The following RARS2 variants were observed in gnomAD, a reference collection of about 807,000 sequenced individuals.
RARS2 encodes the protein arginyl-tRNA synthetase 2, mitochondrial.
In RARS2, 67 loss-of-function variants were observed where a neutral mutation model predicts 88.5. The ratio of observed to expected loss-of-function variants is 0.76; its 90% CI spans 0.62 to 0.93. RARS2 has a LOEUF of 0.93. Ranked by LOEUF, RARS2 falls within the 40% of genes least tolerant of loss-of-function variation. The pLI is 0.00. For missense variants in RARS2, 664 were observed against 684.2 expected (o/e 0.97, Z 0.33); for synonymous variants, 239 against 230.3 (o/e 1.04, Z -0.34).
intron 8 of RARS2, among the ~76,000 whole-genome samples, chr6:87,531,607 A>G (rs1777552335): frequency 6.6e-6 from 1 of 152,032 alleles, no homozygotes; most frequent in Non-Finnish European, 1.5e-5. Context: ...TGTGTTGAGC[A>G]CCTCTTCTGG....
chr6:87,583,631 A>G (rs1015617036), intron 1 of RARS2, among the ~76,000 whole-genome samples: 3 of 152,046 alleles, frequency 2.0e-5, no homozygotes, highest in African/African-American at 7.2e-5. Context: ...AAGTTTAATG[A>G]GCAAAATGAA....
intron 1 of RARS2, among the ~76,000 whole-genome samples, chr6:87,578,112 C>CG (rs544623185): frequency 2.7e-5 from 4 of 148,506 alleles, no homozygotes; most frequent in Non-Finnish European, 4.4e-5. Flanking sequence ...GCGAGACCCC[C>CG]CCCCCCGCCA....
At chr6:87,547,734 G>C (rs1264982294) in intron 6 of RARS2, among the ~76,000 whole-genome samples, 2 of 151,704 alleles carry the variant, frequency 1.3e-5, no homozygotes, top group Non-Finnish European at 2.9e-5. Context: ...CTGCCTCCCG[G>C]GTTCAAGCGA....
At position 87,529,580 on chromosome 6, in the gene RARS2, T is replaced by G; in HGVS notation, c.840A>C (p.Leu280Phe). ...GGAGTCCTTTACTCTCCAGCAACTTTAAGACCTCTTGAGATTTTTCACGAT... is the reference window on the plus strand; with the variant it reads ...GGAGTCCTTTACTCTCCAGCAACTTGAAGACCTCTTGAGATTTTTCACGAT... ...SFYREKSQEV[L>F]KLLESKGLLL... Residue 280 changes from leucine (L) to phenylalanine (F), a missense_variant, in exon 10 of 20, where the codon TTA (leucine) becomes TTC (phenylalanine). By Grantham distance (22) the Leu-to-Phe change is conservative. Coordinates refer to ENST00000369536, the MANE Select transcript of RARS2 (RefSeq NM_020320.5). 6.2e-7 allele frequency: 1 copy of G among 1,607,728 alleles called. No individual in the cohort carries two copies. The highest frequency in any genetic ancestry group is 1.1e-5 in the South Asian group (1 of 90,948).
chr6:87,554,558 G>C (rs1785225598), intron 5 of RARS2, among the ~76,000 whole-genome samples: 1 of 151,878 alleles, frequency 6.6e-6, no homozygotes. Flanking sequence ...CTAGGCTCAA[G>C]CCATCTTTCC....
intron 7 of RARS2, among the ~76,000 whole-genome samples, chr6:87,543,572 C>G (rs561722571): frequency 6.6e-6 from 1 of 151,536 alleles, no homozygotes; most frequent in Non-Finnish European, 1.5e-5. Flanking sequence ...ACCTGGGAGG[C>G]GGAGGTTGCA....
intron 1 of RARS2, among the ~76,000 whole-genome samples, chr6:87,583,422 T>G (rs1252306045): frequency 6.6e-6 from 1 of 152,022 alleles, no homozygotes; most frequent in African/African-American, 2.4e-5. Context: ...AAACCCCATC[T>G]CTACTAAAAA....
chr6:87,579,363 C>T (rs1051423744), intron 1 of RARS2, among the ~76,000 whole-genome samples: 6 of 152,134 alleles, frequency 3.9e-5, no homozygotes, highest in African/African-American at 7.2e-5. Context: ...TGCAGAGAGA[C>T]CACTGTACTA....
At chr6:87,539,984 T>G (rs1171799416) in intron 8 of RARS2, among the ~76,000 whole-genome samples, 1 of 152,170 alleles carries the variant, frequency 6.6e-6, no homozygotes, top group Non-Finnish European at 1.5e-5. Flanking sequence ...ACATACTTTA[T>G]AGACAACCAT....
intron 1 of RARS2, among the ~76,000 whole-genome samples, chr6:87,587,792 A>G (rs1327207584): frequency 1.3e-5 from 2 of 151,868 alleles, no homozygotes; most frequent in East Asian, 1.9e-4. Context: ...CTTTTTTTTG[A>G]GACAGGGACT....
chr6:87,564,219 A>G lies in RARS2; in HGVS notation c.124T>C (p.Phe42Leu). The G allele has an allele frequency of 6.2e-7, 1 of 1,610,666 alleles. No individual in the cohort carries two copies. The highest frequency in any genetic ancestry group is 8.5e-7 in the Non-Finnish European group (1 of 1,176,992). The change falls in exon 3 of 20, where the codon TTT becomes CTT. Residue 42 changes from phenylalanine (F) to leucine (L), a missense_variant. By Grantham distance (22) the Phe-to-Leu change is conservative (BLOSUM62 0). Coordinates refer to ENST00000369536, the MANE Select transcript of RARS2 (RefSeq NM_020320.5). ...AATAAAGAATCCACAGAAAGCTGAAAATCAGCTACTTCTCTAAAGACAGAC... is the reference window on the plus strand; with the variant it reads ...AATAAAGAATCCACAGAAAGCTGAAGATCAGCTACTTCTCTAAAGACAGAC... ...PISQKEEVAD[F>L]QLSVDSLLEK...
Position 87,581,967 on chromosome 6 carries a change from G to A in RARS2, c.36+7955C>T, listed in dbSNP as rs928704676. Reference sequence around the variant, plus strand: ...TTACGGTTGCACAGTATTCCATGGTGTATATGTACCAACCACATTTTCTTT... The same window carrying A: ...TTACGGTTGCACAGTATTCCATGGTATATATGTACCAACCACATTTTCTTT... On this transcript the variant is annotated intron_variant, in intron 1 of 19. Coordinates refer to ENST00000369536, the MANE Select transcript of RARS2 (RefSeq NM_020320.5). Among the ~76,000 whole-genome samples the A allele has an allele frequency of 6.6e-5, 10 of 152,170 alleles. 1 individual carries two copies. The highest frequency in any genetic ancestry group is 3.3e-4 in the Admixed American group (5 of 15,282).
At chr6:87,557,173 T>C (rs927546448) in intron 4 of RARS2, among the ~76,000 whole-genome samples, 1 of 152,136 alleles carries the variant, frequency 6.6e-6, no homozygotes, top group African/African-American at 2.4e-5. Context: ...TGGGCAACAT[T>C]TCCCATTTAA....
At chr6:87,515,071 G>C (rs1265118203) in intron 18 of RARS2, 51 bp from the exon 19 acceptor site, 2 of 1,375,630 alleles carry the variant, frequency 1.5e-6, no homozygotes, top group African/African-American at 1.4e-5. Context: ...ATTTCCTGTT[G>C]TAAGATATGA....
rs562144077 is a variant in RARS2, at chr6:87,560,385, T to C, written c.297+2317A>G. The stretch of plus-strand genomic sequence containing the variant: ...TTGAATTTTTCCTATTTGGTTGAGA[T>C]CATACTTTCTTTTTTCCCTTTTAAC... On this transcript the variant is annotated intron_variant, in intron 4 of 19. Coordinates refer to ENST00000369536, the MANE Select transcript of RARS2 (RefSeq NM_020320.5). Among the ~76,000 whole-genome samples, 5 of 152,368 alleles carry C rather than the reference T, an allele frequency of 3.3e-5. No homozygotes were observed. The South Asian group carries it at 1.0e-3, about 32-fold the overall frequency.
At chr6:87,575,276 C>CAA (rs1413053353) in intron 1 of RARS2, among the ~76,000 whole-genome samples, 1 of 144,930 alleles carries the variant, frequency 6.9e-6, no homozygotes, top group Admixed American at 7.0e-5. Context: ...CACACACACA[C>CAA]ACCTTGGCTT....
chr6:87,583,891 C>T (rs1198513523), intron 1 of RARS2, among the ~76,000 whole-genome samples: 2 of 152,104 alleles, frequency 1.3e-5, no homozygotes, highest in Non-Finnish European at 2.9e-5. Context: ...AATGGCATGA[C>T]TGAGATGATG....
At chr6:87,544,525 C>A (rs9444514) in intron 7 of RARS2, among the ~76,000 whole-genome samples, 2 of 151,968 alleles carry the variant, frequency 1.3e-5, no homozygotes, top group African/African-American at 4.8e-5. Flanking sequence ...AGAAGATGGG[C>A]AAGGGTGTGT....
chr6:87,560,256 T>C (rs902602493), intron 4 of RARS2, among the ~76,000 whole-genome samples: 2 of 152,254 alleles, frequency 1.3e-5, no homozygotes, highest in African/African-American at 4.8e-5. Flanking sequence ...CTTTTACTTT[T>C]GGTTAAACAT....
Sources: allele counts gnomAD v4.1 joint callset (sites outside exome capture counted in the v4.1 genomes callset), GRCh38; gene constraint gnomAD v4.1.1; transcripts MANE v1.5; gene names NCBI Gene and HGNC (gene_info 2026-07-23, HGNC 2026-07-21).